The following CSMD3 variants were observed in gnomAD, a reference collection of about 807,000 sequenced individuals.
CSMD3 encodes CUB and Sushi multiple domains 3.
Under a neutral mutation model 435.2 loss-of-function variants are expected in CSMD3, and 177 were observed. The observed-to-expected ratio is 0.41, with a 90% CI of 0.36 to 0.46. The LOEUF (loss-of-function observed/expected upper bound fraction) is 0.46, where lower values mean the gene tolerates loss of function less well. CSMD3 is among the 20% of genes least tolerant of loss of function. CSMD3 has a pLI of 0.34. For synonymous variants in CSMD3, 1,656 were observed against 1,520.5 expected, an observed-to-expected ratio of 1.09 and a Z score of -2.07; for missense variants, 4,265 against 4,504.6, an observed-to-expected ratio of 0.95 and a Z score of 1.52.
At chr8:112,535,845 C>T (rs1388101507) in intron 27 of CSMD3, among the ~76,000 whole-genome samples, 1 of 152,064 alleles carries the variant, frequency 6.6e-6, no homozygotes. Flanking sequence ...TGGAACAGAA[C>T]AGAGCCCTCA....
chr8:112,955,259 G>T (rs546200128), intron 7 of CSMD3, among the ~76,000 whole-genome samples: 1 of 151,528 alleles, frequency 6.6e-6, no homozygotes, highest in Non-Finnish European at 1.5e-5. Context: ...TATTTTAATA[G>T]CTCTGTCAAT....
At chr8:113,139,557 T>C (rs1368443208) in intron 4 of CSMD3, among the ~76,000 whole-genome samples, 2 of 151,038 alleles carry the variant, frequency 1.3e-5, no homozygotes, top group Non-Finnish European at 3.0e-5. Flanking sequence ...ATGCAATACC[T>C]AGAGCAACCA....
intron 3 of CSMD3, among the ~76,000 whole-genome samples, chr8:113,197,726 T>A (rs1298121226): frequency 6.6e-6 from 1 of 151,282 alleles, no homozygotes; most frequent in Non-Finnish European, 1.5e-5. Context: ...GTACAGAATA[T>A]TTTATACATC....
chr8:113,397,787 C>T (rs759542263), intron 1 of CSMD3, among the ~76,000 whole-genome samples: 4 of 151,586 alleles, frequency 2.6e-5, no homozygotes, highest in Non-Finnish European at 5.9e-5. Flanking sequence ...TACTGCACTC[C>T]AGCCTGGACG....
At chr8:112,843,090 C>T (rs974992106) in intron 11 of CSMD3, among the ~76,000 whole-genome samples, 3 of 151,520 alleles carry the variant, frequency 2.0e-5, no homozygotes, top group African/African-American at 7.3e-5. Context: ...CAATTCTATC[C>T]AAAAAGAGAG....
At chr8:112,457,232 A>C (rs1816930183) in intron 32 of CSMD3, among the ~76,000 whole-genome samples, 1 of 152,038 alleles carries the variant, frequency 6.6e-6, no homozygotes, top group South Asian at 2.1e-4. Flanking sequence ...ATGCTTGGCT[A>C]GTCAGATGGA....
At chr8:113,059,103 A>G (rs1023318204) in intron 5 of CSMD3, among the ~76,000 whole-genome samples, 6 of 152,148 alleles carry the variant, frequency 3.9e-5, no homozygotes, top group Non-Finnish European at 8.8e-5. Flanking sequence ...CCCCAAAGAC[A>G]TTTGTGATGG....
At chr8:112,816,999 A>G (rs1034361321) in intron 12 of CSMD3, among the ~76,000 whole-genome samples, 1 of 152,048 alleles carries the variant, frequency 6.6e-6, no homozygotes, top group African/African-American at 2.4e-5. Context: ...TGATAGAATG[A>G]AGAAGGTTTA....
chr8:113,397,549 G>A (rs1204559799), intron 1 of CSMD3, among the ~76,000 whole-genome samples: 3 of 152,020 alleles, frequency 2.0e-5, no homozygotes, highest in African/African-American at 4.8e-5. Flanking sequence ...GGCCGGGCGC[G>A]GTGGCTCAGG....
intron 32 of CSMD3, among the ~76,000 whole-genome samples, chr8:112,458,011 A>C (rs190666703): frequency 6.6e-6 from 1 of 152,260 alleles, no homozygotes; most frequent in East Asian, 1.9e-4. Flanking sequence ...TTCATTGATT[A>C]ATTCAATTGT....
Position 112,615,514 on chromosome 8 carries a change from A to G in CSMD3, c.3715+21303T>C, listed in dbSNP as rs543943074. On this transcript the variant is annotated intron_variant, in intron 22 of 70. Transcript: ENST00000297405. ...GGTACCTAGAAGCATGCAGAAATCT[A>G]CTTTGGCCCAAAGCAAAAAAGTTCA... Among the ~76,000 whole-genome samples, 6 of 152,206 alleles carry G rather than the reference A, an allele frequency of 3.9e-5. No individual in the cohort carries two copies. The East Asian group carries it at 1.2e-3, about 29-fold the overall frequency.
rs184905102 is a variant in CSMD3, at chr8:112,572,647, T to G, written c.4042+854A>C. Among the ~76,000 whole-genome samples the G allele has an allele frequency of 3.0e-3, 460 of 152,224 alleles. 1 individual carries two copies. The highest frequency in any genetic ancestry group is 0.011 in the African/African-American group (438 of 41,574). On this transcript the variant is annotated intron_variant, in intron 24 of 70. Coordinates refer to ENST00000297405, the MANE Select transcript of CSMD3 (RefSeq NM_198123.2). ...TCTAGCAATAAAGATTTCTGAGTATTGCTACTTATTTTACTATACAACATT... is the reference window on the plus strand; with the variant it reads ...TCTAGCAATAAAGATTTCTGAGTATGGCTACTTATTTTACTATACAACATT...
At chr8:112,510,604 A>G (rs1428074615) in intron 28 of CSMD3, among the ~76,000 whole-genome samples, 1 of 152,014 alleles carries the variant, frequency 6.6e-6, no homozygotes, top group African/African-American at 2.4e-5. Flanking sequence ...ACCTCTGCCA[A>G]TCTCTGTTGC....
intron 10 of CSMD3, among the ~76,000 whole-genome samples, chr8:112,896,445 T>C (rs907585686): frequency 2.4e-4 from 36 of 151,490 alleles, no homozygotes; most frequent in African/African-American, 8.7e-4. Context: ...AGTTTTGAGA[T>C]GATTTGTTAC....
intron 13 of CSMD3, among the ~76,000 whole-genome samples, chr8:112,754,060 A>T (rs1587184941): frequency 6.6e-6 from 1 of 152,256 alleles, no homozygotes; most frequent in South Asian, 2.1e-4. Context: ...AAGCACAGCA[A>T]GCTTGACAGA....
rs148585193 is a variant in CSMD3, at chr8:112,850,631, G to T, written c.1755+8514C>A. Among the ~76,000 whole-genome samples, 478 of 152,258 alleles carry T rather than the reference G, an allele frequency of 3.1e-3. 4 individuals are homozygous for T. Among genetic ancestry groups the T allele is most frequent in the African/African-American group, 9.9e-3 (412 of 41,556 alleles). ...AAACAGATCATAGTTTTTGAATACT[G>T]GAAGAATATTTCCTCAATTTTTTTG... On this transcript the variant is annotated intron_variant, in intron 11 of 70. Transcript: ENST00000297405.
intron 6 of CSMD3, among the ~76,000 whole-genome samples, chr8:113,006,972 T>G (rs1006280997): frequency 1.3e-5 from 2 of 151,930 alleles, no homozygotes; most frequent in African/African-American, 4.8e-5. Context: ...CCTGGGTCAG[T>G]CCTTTTATAT....
At chr8:112,933,198 T>A (rs2083171073) in intron 9 of CSMD3, among the ~76,000 whole-genome samples, 1 of 152,120 alleles carries the variant, frequency 6.6e-6, no homozygotes, top group Non-Finnish European at 1.5e-5. Flanking sequence ...TAGATAGCTG[T>A]ATAAGATGTT....
At chr8:112,462,038 G>C (rs1817499694) in intron 32 of CSMD3, among the ~76,000 whole-genome samples, 1 of 152,126 alleles carries the variant, frequency 6.6e-6, no homozygotes, top group African/African-American at 2.4e-5. Flanking sequence ...GGACCAGAAA[G>C]CTTAAGTAAT....
Sources: gnomAD v4.1 joint callset for allele counts (sites outside exome capture counted in the v4.1 genomes callset) on GRCh38, gnomAD v4.1.1 for gene constraint, MANE v1.5 for transcripts, NCBI Gene and HGNC (gene_info 2026-07-23, HGNC 2026-07-21) for gene names.